Variants in GRM8 observed in about 807,000 individuals in gnomAD.
The protein encoded by GRM8 is metabotropic glutamate receptor 8.
In GRM8, 47 loss-of-function variants were observed where a neutral mutation model predicts 87.2. That is an observed-to-expected ratio of 0.54 (90% CI 0.43 to 0.69). The LOEUF (loss-of-function observed/expected upper bound fraction) is 0.69. Among genes scored for constraint, GRM8 ranks in the 30% least tolerant of loss-of-function variants. GRM8 has a pLI of 0.00. For missense variants in GRM8, 1,019 were observed against 1,139.2 expected, an observed-to-expected ratio of 0.89 and a Z score of 1.52; for synonymous variants, 396 against 404.5, an observed-to-expected ratio of 0.98 and a Z score of 0.25.
At position 126,911,254 on chromosome 7, in the gene GRM8, C is replaced by T. The variant is rs187200912; in HGVS notation, c.728-6571G>A. 8.5e-5 allele frequency among the ~76,000 whole-genome samples: 13 copies of T among 152,320 alleles called. No individual in the cohort carries two copies. In the East Asian group the frequency reaches 2.3e-3, roughly 27 times the overall value. ...ATAGATGAAATGACTAGATTTCACT[C>T]TTCATCATTGTTGATTACAATGTGA... is the stretch of plus-strand genomic sequence containing the variant. On this transcript the variant is annotated intron_variant, in intron 3 of 10. Coordinates refer to ENST00000339582, the MANE Select transcript of GRM8 (RefSeq NM_000845.3).
intron 7 of GRM8, among the ~76,000 whole-genome samples, chr7:126,706,919 C>T (rs537260441): frequency 6.6e-5 from 10 of 152,236 alleles, no homozygotes; most frequent in African/African-American, 2.4e-4. Flanking sequence ...AAAATGCTCA[C>T]TGGGGTCCTA....
chr7:126,807,644 C>G (rs1792909886), intron 6 of GRM8, among the ~76,000 whole-genome samples: 1 of 152,054 alleles, frequency 6.6e-6, no homozygotes, highest in Non-Finnish European at 1.5e-5. Flanking sequence ...TTCTCCTTGT[C>G]TGGACTCCCT....
chr7:126,661,744 A>C (rs538906186), intron 7 of GRM8, among the ~76,000 whole-genome samples: 13 of 152,306 alleles, frequency 8.5e-5, no homozygotes, highest in African/African-American at 3.1e-4. Context: ...AGGAATTGGA[A>C]ATATACAAGC....
At chr7:126,633,966 C>T (rs1801605552) in intron 7 of GRM8, among the ~76,000 whole-genome samples, 1 of 151,856 alleles carries the variant, frequency 6.6e-6, no homozygotes, top group South Asian at 2.1e-4. Flanking sequence ...CCTATTTTAT[C>T]TTAAAACAGC....
At chr7:127,108,427 T>G (rs1331545511) in intron 2 of GRM8, among the ~76,000 whole-genome samples, 1 of 152,140 alleles carries the variant, frequency 6.6e-6, no homozygotes, top group Non-Finnish European at 1.5e-5. Context: ...AGAAATTATA[T>G]GTATGTGCGA....
intron 2 of GRM8, among the ~76,000 whole-genome samples, chr7:127,214,406 C>G (rs1348104921): frequency 6.6e-6 from 1 of 152,180 alleles, no homozygotes; most frequent in African/African-American, 2.4e-5. Flanking sequence ...AACTCAAACT[C>G]TAATCAGTGA....
At chr7:127,231,977 CT>C (rs1797712158) in intron 2 of GRM8, among the ~76,000 whole-genome samples, 1 of 151,646 alleles carries the variant, frequency 6.6e-6, no homozygotes, top group Non-Finnish European at 1.5e-5. Context: ...ACTAATGTTT[CT>C]CTGGGTCTTC....
chr7:126,758,548 T>C (rs1817256588), intron 7 of GRM8, among the ~76,000 whole-genome samples: 1 of 151,956 alleles, frequency 6.6e-6, no homozygotes, highest in East Asian at 1.9e-4. Context: ...GAAAAAGAAT[T>C]TTAAGATATA....
chr7:126,522,485 A>G (rs1813131792), intron 9 of GRM8, among the ~76,000 whole-genome samples: 1 of 152,208 alleles, frequency 6.6e-6, no homozygotes, highest in South Asian at 2.1e-4. Flanking sequence ...ACTCCCAATT[A>G]TCTGACTATC....
At chr7:127,091,433 C>T (rs546915577) in intron 3 of GRM8, among the ~76,000 whole-genome samples, 1 of 95,184 alleles carries the variant, frequency 1.1e-5, no homozygotes, top group Admixed American at 1.1e-4. Context: ...ACTGGTCATC[C>T]CCCCACCACC....
At chr7:126,937,400 A>G (rs540445592) in intron 3 of GRM8, among the ~76,000 whole-genome samples, 42 of 152,314 alleles carry the variant, frequency 2.8e-4, no homozygotes, top group Non-Finnish European at 4.6e-4. Flanking sequence ...ATTGCCAAAG[A>G]AAACAAAAAC....
intron 8 of GRM8, among the ~76,000 whole-genome samples, chr7:126,539,357 AT>A (rs1816265383): frequency 6.6e-6 from 1 of 152,052 alleles, no homozygotes; most frequent in African/African-American, 2.4e-5. Flanking sequence ...TAAGATAGCA[AT>A]ATTTCCCACA....
intron 3 of GRM8, among the ~76,000 whole-genome samples, chr7:127,088,544 C>G (rs1009761183): frequency 6.6e-6 from 1 of 152,156 alleles, no homozygotes; most frequent in Non-Finnish European, 1.5e-5. Context: ...GCTACTGTAA[C>G]TGAATTTAAC....
chr7:126,511,724 G>A (rs537713384), intron 9 of GRM8: 17 of 152,222 alleles, frequency 1.1e-4, no homozygotes, highest in South Asian at 4.1e-4. Flanking sequence ...GAGAAAATAT[G>A]TATGGTTACT....
intron 2 of GRM8, among the ~76,000 whole-genome samples, chr7:127,236,920 G>A (rs1455979476): frequency 6.6e-6 from 1 of 152,094 alleles, no homozygotes; most frequent in Admixed American, 6.6e-5. Flanking sequence ...AGTCTAGTGG[G>A]GGATGCAGAC....
At chr7:127,172,432 T>C (rs1793863576) in intron 2 of GRM8, among the ~76,000 whole-genome samples, 1 of 152,100 alleles carries the variant, frequency 6.6e-6, no homozygotes, top group South Asian at 2.1e-4. Flanking sequence ...TGGCTGGGTG[T>C]GGTGGCTCAC....
At chr7:126,845,727 A>G (rs1796659789) in intron 6 of GRM8, among the ~76,000 whole-genome samples, 1 of 152,200 alleles carries the variant, frequency 6.6e-6, no homozygotes, top group Admixed American at 6.5e-5. Flanking sequence ...AATATACACA[A>G]CAAAAATTAT....
intron 3 of GRM8, among the ~76,000 whole-genome samples, chr7:127,022,605 A>C (rs1816387255): frequency 6.6e-6 from 1 of 152,064 alleles, no homozygotes; most frequent in Non-Finnish European, 1.5e-5. Context: ...TTGGGTCCAC[A>C]GTTTCCAAGA....
At chr7:126,465,223 T>C (rs1276056239) in intron 9 of GRM8, 1 of 151,750 alleles carries the variant, frequency 6.6e-6, no homozygotes, top group African/African-American at 2.4e-5. Flanking sequence ...CATAATTTGA[T>C]AGCAAACCTC....
Sources: allele counts gnomAD v4.1 joint callset (sites outside exome capture counted in the v4.1 genomes callset), GRCh38; gene constraint gnomAD v4.1.1; transcripts MANE v1.5; gene names NCBI Gene and HGNC (gene_info 2026-07-23, HGNC 2026-07-21).